Variants in MAGOHB observed in about 807,000 individuals in gnomAD.
The protein encoded by MAGOHB is protein mago nashi homolog 2.
In MAGOHB, 15 loss-of-function variants were observed where a neutral mutation model predicts 20.9. That is an observed-to-expected ratio of 0.72 (90% CI 0.48 to 1.11). MAGOHB has a LOEUF of 1.11. MAGOHB is among the 50% of genes least tolerant of loss of function. The pLI is 0.00. For missense variants in MAGOHB, 162 were observed against 177.6 expected (o/e 0.91, Z 0.50); for synonymous variants, 50 against 57.9 (o/e 0.86, Z 0.62).
downstream of MAGOHB, among the ~76,000 whole-genome samples, chr12:10,603,812 G>A (rs758257808): frequency 6.6e-6 from 1 of 151,968 alleles, no homozygotes; most frequent in South Asian, 2.1e-4. Context: ...TTTTCTATTC[G>A]ACTTCATTAT....
chr12:10,610,207 C>T (rs1865699505), intron 2 of MAGOHB, among the ~76,000 whole-genome samples: 1 of 152,080 alleles, frequency 6.6e-6, no homozygotes, highest in Non-Finnish European at 1.5e-5. Context: ...CACTGAGATC[C>T]AAATACCCAC....
downstream of MAGOHB, chr12:10,599,524 G>T (rs1865534626): frequency 6.6e-6 from 1 of 152,206 alleles, no homozygotes; most frequent in South Asian, 2.1e-4. Flanking sequence ...GATATTACCT[G>T]TATCTGTGCT....
intron 1 of MAGOHB, 98 bp from the exon 2 acceptor site, chr12:10,610,778 T>C (rs895249768): frequency 1.6e-5 from 17 of 1,067,470 alleles, no homozygotes; most frequent in Non-Finnish European, 1.8e-5. Context: ...TTTATACTAC[T>C]ATTTTTATTA....
chr12:10,602,811 A>C (rs1475395019), downstream of MAGOHB, among the ~76,000 whole-genome samples: 1 of 152,126 alleles, frequency 6.6e-6, no homozygotes, highest in Non-Finnish European at 1.5e-5. Flanking sequence ...TTCTAGTCAC[A>C]CCTTCAAACC....
At chr12:10,612,146 T>G (rs1865754741) in intron 1 of MAGOHB, among the ~76,000 whole-genome samples, 2 of 152,074 alleles carry the variant, frequency 1.3e-5, no homozygotes, top group African/African-American at 4.8e-5. Context: ...CCTCAGGGGT[T>G]TGAAGCCAGC....
downstream of MAGOHB, among the ~76,000 whole-genome samples, chr12:10,603,791 A>T (rs1865579256): frequency 6.6e-6 from 1 of 152,156 alleles, no homozygotes; most frequent in Non-Finnish European, 1.5e-5. Context: ...TTGTTTATTA[A>T]ATTTTTAAAA....
At chr12:10,612,665 T>G in intron 1 of MAGOHB, 1 of 1,153,672 alleles carries the variant, frequency 8.7e-7, no homozygotes, top group Non-Finnish European at 1.1e-6. Context: ...TTGCTTGTTG[T>G]CCAGCACAAA....
At chr12:10,608,699 C>T (rs150601206) in intron 3 of MAGOHB, 253 of 151,228 alleles carry the variant, frequency 1.7e-3, no homozygotes, top group African/African-American at 5.8e-3. Flanking sequence ...GGCCTAAAAC[C>T]AATAATTAAA....
downstream of MAGOHB, among the ~76,000 whole-genome samples, chr12:10,602,363 A>G (rs1009768174): frequency 1.3e-5 from 2 of 152,190 alleles, no homozygotes; most frequent in African/African-American, 4.8e-5. Context: ...GCAGAATGAA[A>G]CTGACGACGG....
chr12:10,601,708 G>A (rs1224234549), downstream of MAGOHB, among the ~76,000 whole-genome samples: 1 of 152,166 alleles, frequency 6.6e-6, no homozygotes, highest in Non-Finnish European at 1.5e-5. Flanking sequence ...GTTACTTGAA[G>A]TCCAAGATTC....
At chr12:10,606,913 C>T (rs537762021) in intron 4 of MAGOHB, among the ~76,000 whole-genome samples, 3 of 152,084 alleles carry the variant, frequency 2.0e-5, no homozygotes, top group African/African-American at 7.2e-5. Context: ...GGAATAGTTC[C>T]ATAGAAGAGA....
chr12:10,612,257 G>T (rs1414415691), intron 1 of MAGOHB, among the ~76,000 whole-genome samples: 1 of 145,316 alleles, frequency 6.9e-6, no homozygotes, highest in African/African-American at 2.6e-5. Context: ...TAATTAGCTG[G>T]GTGAGGTGGC....
chr12:10,611,711 G>A (rs1249855751), intron 1 of MAGOHB, among the ~76,000 whole-genome samples: 2 of 128,504 alleles, frequency 1.6e-5, no homozygotes, highest in African/African-American at 6.2e-5. Context: ...TCGCACCACT[G>A]CACTGCAGCC....
intron 1 of MAGOHB, among the ~76,000 whole-genome samples, chr12:10,611,244 T>C (rs1423016969): frequency 3.9e-5 from 6 of 152,208 alleles, no homozygotes; most frequent in Non-Finnish European, 8.8e-5. Flanking sequence ...CATGCAATTA[T>C]AATGCAGACA....
rs768417620 is a variant in MAGOHB, at chr12:10,613,579, G to A, written c.-47C>T. 9.7e-6 allele frequency: 13 copies of A among 1,344,572 alleles called. No homozygotes were observed. The highest frequency in any genetic ancestry group is 2.3e-5 in the East Asian group (1 of 43,636). 83.3% of individuals were successfully genotyped at this position (1,344,572 alleles called of 1,614,324 possible). On this transcript the variant is annotated 5_prime_UTR_variant, in exon 1 of 5. Coordinates refer to ENST00000320756, the MANE Select transcript of MAGOHB (RefSeq NM_018048.5). ...CGAAAACGCAGCCAACGTGTCCCCC[G>A]GCGCCTTGCAGTGACGTCATCGCGC...
At chr12:10,613,168 A>C (rs1275711745) in intron 1 of MAGOHB, among the ~76,000 whole-genome samples, 2 of 152,210 alleles carry the variant, frequency 1.3e-5, no homozygotes. Context: ...TAGCATTTTC[A>C]ATCAGGGCGA....
intron 1 of MAGOHB, 96 bp from the exon 2 acceptor site, chr12:10,610,776 A>T: frequency 9.1e-7 from 1 of 1,100,786 alleles, no homozygotes; most frequent in Non-Finnish European, 1.3e-6. Flanking sequence ...ATTTTATACT[A>T]CTATTTTTAT....
At chr12:10,612,267 C>CGTGG (rs1865761708) in intron 1 of MAGOHB, among the ~76,000 whole-genome samples, 1 of 150,562 alleles carries the variant, frequency 6.6e-6, no homozygotes, top group South Asian at 2.1e-4. Context: ...GGTGAGGTGG[C>CGTGG]GTGGGCCTGT....
At chr12:10,610,577 C>CAAAAAAAAAAAAAAAAA (rs541042923) in intron 2 of MAGOHB, 45 bp downstream of exon 2, 8 of 727,980 alleles carry the variant, frequency 1.1e-5, no homozygotes, top group Non-Finnish European at 8.5e-6. Context: ...GGGCTAAATG[C>CAAAAAAAAAAAAAAAAA]AAAAAAAAAA....
Sources: allele counts gnomAD v4.1 joint callset (sites outside exome capture counted in the v4.1 genomes callset), GRCh38; gene constraint gnomAD v4.1.1; transcripts MANE v1.5; gene names NCBI Gene and HGNC (gene_info 2026-07-23, HGNC 2026-07-21).